The following LHFPL2 variants were observed in gnomAD, a reference collection of about 807,000 sequenced individuals.
The protein encoded by LHFPL2 is LHFPL tetraspan subfamily member 2 protein.
Under a neutral mutation model 17.5 loss-of-function variants are expected in LHFPL2, and 7 were observed. That is an observed-to-expected ratio of 0.40 (90% CI 0.23 to 0.75). The LOEUF is 0.75. Among genes scored for constraint, LHFPL2 ranks in the 30% least tolerant of loss-of-function variants. The pLI is 0.37. For missense variants in LHFPL2, 241 were observed against 294.8 expected (o/e 0.82, Z 1.34); for synonymous variants, 134 against 116.2 (o/e 1.15, Z -0.99).
intron 2 of LHFPL2, among the ~76,000 whole-genome samples, chr5:78,587,019 T>A (rs1561353620): frequency 6.6e-6 from 1 of 152,236 alleles, no homozygotes; most frequent in Non-Finnish European, 1.5e-5. Flanking sequence ...AGCATACAAC[T>A]GTTAAATTAT....
intron 3 of LHFPL2, among the ~76,000 whole-genome samples, chr5:78,523,660 C>T (rs1755529901): frequency 6.6e-6 from 1 of 152,134 alleles, no homozygotes. Context: ...ACGTCATTGA[C>T]AGTCACAGCC....
intron 2 of LHFPL2, among the ~76,000 whole-genome samples, chr5:78,589,068 T>C (rs1580837510): frequency 6.6e-6 from 1 of 152,192 alleles, no homozygotes; most frequent in South Asian, 2.1e-4. Flanking sequence ...GGCTGTCAGG[T>C]GGCAGCCAGG....
intron 2 of LHFPL2, chr5:78,624,836 G>A (rs1188990607): frequency 6.8e-6 from 1 of 147,956 alleles, no homozygotes; most frequent in Non-Finnish European, 1.5e-5. Flanking sequence ...ATGGAGTTTC[G>A]CTCGTCACCC....
At chr5:78,576,929 T>A (rs377529233) in intron 2 of LHFPL2, among the ~76,000 whole-genome samples, 3 of 152,260 alleles carry the variant, frequency 2.0e-5, no homozygotes, top group Admixed American at 2.0e-4. Context: ...AACTTGATCA[T>A]TGGCAATGCA....
intron 4 of LHFPL2, among the ~76,000 whole-genome samples, chr5:78,490,360 C>T (rs922526665): frequency 6.6e-6 from 1 of 152,158 alleles, no homozygotes; most frequent in African/African-American, 2.4e-5. Context: ...AGTCACATGA[C>T]AGTAGCTCCT....
chr5:78,644,440 C>T (rs1016603179), intron 1 of LHFPL2: 9 of 648,884 alleles, frequency 1.4e-5, no homozygotes, highest in South Asian at 7.0e-5. Flanking sequence ...TTATCATCTG[C>T]GGCAGTGCCC....
At chr5:78,565,806 A>C (rs1341893106) in intron 2 of LHFPL2, among the ~76,000 whole-genome samples, 4 of 152,218 alleles carry the variant, frequency 2.6e-5, no homozygotes, top group African/African-American at 9.7e-5. Context: ...TCTTAAAAGA[A>C]TCTCTTCCAC....
At chr5:78,615,210 G>A (rs1048241012) in intron 2 of LHFPL2, among the ~76,000 whole-genome samples, 1 of 152,174 alleles carries the variant, frequency 6.6e-6, no homozygotes, top group Non-Finnish European at 1.5e-5. Context: ...GGAGTGTGGG[G>A]AAGGGAGAGA....
intron 3 of LHFPL2, among the ~76,000 whole-genome samples, chr5:78,515,291 G>A (rs115284420): frequency 9.4e-4 from 143 of 151,636 alleles, no homozygotes; most frequent in African/African-American, 3.0e-3. Flanking sequence ...TATTTTCCCC[G>A]ACATTGACTA....
At chr5:78,494,462 C>G in intron 4 of LHFPL2, 1 of 985,350 alleles carries the variant, frequency 1.0e-6, no homozygotes, top group Non-Finnish European at 1.2e-6. Flanking sequence ...CTAACAGCCT[C>G]ATTGTACCAA....
intron 2 of LHFPL2, among the ~76,000 whole-genome samples, chr5:78,604,737 A>T (rs1337748416): frequency 6.6e-6 from 1 of 152,142 alleles, no homozygotes; most frequent in Non-Finnish European, 1.5e-5. Context: ...TAGCTTCTTG[A>T]CGGCTGGCTT....
At chr5:78,618,867 A>C (rs983051263) in intron 2 of LHFPL2, among the ~76,000 whole-genome samples, 1 of 152,234 alleles carries the variant, frequency 6.6e-6, no homozygotes, top group African/African-American at 2.4e-5. Context: ...CTGAGAAGAA[A>C]GAACCAGAAT....
chr5:78,574,568 G>C (rs990863544), intron 2 of LHFPL2, among the ~76,000 whole-genome samples: 11 of 152,118 alleles, frequency 7.2e-5, no homozygotes, highest in Admixed American at 7.2e-4. Flanking sequence ...TCCCAACTAA[G>C]AACAACAAAA....
chr5:78,541,196 C>T (rs993742972), intron 3 of LHFPL2, among the ~76,000 whole-genome samples: 7 of 152,150 alleles, frequency 4.6e-5, no homozygotes, highest in Admixed American at 3.9e-4. Context: ...CTAAATCCTC[C>T]GCCTTGAAAG....
At chr5:78,568,414 T>C (rs146133403) in intron 2 of LHFPL2, among the ~76,000 whole-genome samples, 2 of 152,202 alleles carry the variant, frequency 1.3e-5, no homozygotes, top group South Asian at 4.1e-4. Flanking sequence ...CTGCCTTTAG[T>C]GCCACACAGA....
chr5:78,633,858 T>C (rs1238218187), intron 1 of LHFPL2, among the ~76,000 whole-genome samples: 1 of 152,198 alleles, frequency 6.6e-6, no homozygotes, highest in Non-Finnish European at 1.5e-5. Flanking sequence ...ATGCTTCTCC[T>C]TTTAGACATT....
intron 2 of LHFPL2, among the ~76,000 whole-genome samples, chr5:78,577,183 T>C (rs1488961170): frequency 6.6e-6 from 1 of 152,134 alleles, no homozygotes; most frequent in Non-Finnish European, 1.5e-5. Context: ...CACAGGGAAG[T>C]CAAAACATTT....
chr5:78,584,154 C>T (rs1743272481), intron 2 of LHFPL2, among the ~76,000 whole-genome samples: 1 of 150,030 alleles, frequency 6.7e-6, no homozygotes, highest in Non-Finnish European at 1.5e-5. Context: ...AAGCACTTCT[C>T]TGTATTGGTT....
At chr5:78,618,631 C>T (rs1442811688) in intron 2 of LHFPL2, among the ~76,000 whole-genome samples, 1 of 152,198 alleles carries the variant, frequency 6.6e-6, no homozygotes, top group Non-Finnish European at 1.5e-5. Flanking sequence ...ACAGGAACTG[C>T]ATGGCTTTCT....
Sources: allele counts gnomAD v4.1 joint callset (sites outside exome capture counted in the v4.1 genomes callset), GRCh38; gene constraint gnomAD v4.1.1; transcripts MANE v1.5; gene names NCBI Gene and HGNC (gene_info 2026-07-23, HGNC 2026-07-21).